The following SYNE1 variants were observed in gnomAD, a reference collection of about 807,000 sequenced individuals.
The protein encoded by SYNE1 is nesprin-1.
A neutral mutation model predicts 1,111.0 loss-of-function variants in SYNE1; 616 were observed. That is an observed-to-expected ratio of 0.55 (90% CI 0.52 to 0.59). SYNE1 has a LOEUF of 0.59. Among genes scored for constraint, SYNE1 ranks in the 20% least tolerant of loss-of-function variants. SYNE1 has a pLI of 0.00. For synonymous variants in SYNE1, 3,855 were observed against 3,825.8 expected, an observed-to-expected ratio of 1.01 and a Z score of -0.28; for missense variants, 10,006 against 10,417.0, an observed-to-expected ratio of 0.96 and a Z score of 1.72.
Position 152,201,826 on chromosome 6 carries a change from T to C in SYNE1, c.23143A>G (p.Lys7715Glu), listed in dbSNP as rs1358481326. 6.2e-7 allele frequency: 1 copy of C among 1,613,932 alleles called. No homozygotes were observed. The highest frequency in any genetic ancestry group is 1.1e-5 in the South Asian group (1 of 91,072). ...AAAATCTCAGTTCAGTAATTTACCT[T>C]GCAACGCATTTGTTCTGCATGGAGC... Reference protein sequence around the residue: ...EELHAEQMRCKELENAVGSWT... With the variant: ...EELHAEQMRCEELENAVGSWT... The change falls in exon 127 of 146, where the codon AAG becomes GAG. Residue 7715 changes from lysine (K) to glutamate (E), a missense_variant and splice_region_variant. Lys to Glu is a moderately conservative substitution (Grantham distance 56). Coordinates refer to ENST00000367255, the MANE Select transcript of SYNE1 (RefSeq NM_182961.4).
At chr6:152,556,932 A>C (rs1168798529) in intron 3 of SYNE1, among the ~76,000 whole-genome samples, 2 of 152,196 alleles carry the variant, frequency 1.3e-5, no homozygotes, top group African/African-American at 4.8e-5. Context: ...CAAAGGGGCA[A>C]GTAAAATACT....
intron 118 of SYNE1, 43 bp from the exon 119 acceptor site, chr6:152,221,089 C>T (rs1287540137): frequency 1.9e-6 from 3 of 1,587,716 alleles, no homozygotes; most frequent in Non-Finnish European, 2.6e-6. Flanking sequence ...TACCACCTCT[C>T]ACCAAATGTG....
chr6:152,581,528 A>G (rs572741689), intron 3 of SYNE1, among the ~76,000 whole-genome samples: 172 of 152,352 alleles, frequency 1.1e-3, no homozygotes, highest in African/African-American at 4.0e-3. Context: ...GGTGAGTACT[A>G]TAGCAGACAT....
chr6:152,633,949 C>T (rs2099701992), intron 2 of SYNE1, among the ~76,000 whole-genome samples: 1 of 151,594 alleles, frequency 6.6e-6, no homozygotes, highest in South Asian at 2.1e-4. Context: ...GGACTACCTG[C>T]TATTTGGGAT....
At chr6:152,156,975 C>T (rs2061499863) in intron 131 of SYNE1, among the ~76,000 whole-genome samples, 1 of 152,072 alleles carries the variant, frequency 6.6e-6, no homozygotes, top group Non-Finnish European at 1.5e-5. Flanking sequence ...TTACAGGTAC[C>T]CGCCATCATG....
intron 125 of SYNE1, among the ~76,000 whole-genome samples, chr6:152,207,153 C>G (rs2076666191): frequency 6.6e-6 from 1 of 152,072 alleles, no homozygotes; most frequent in Admixed American, 6.5e-5. Flanking sequence ...GGATGATAGA[C>G]AAGGAGAAGT....
rs886043975 is a variant in SYNE1, at chr6:152,354,877, G to A, written c.10708C>T (p.Arg3570Trp). 26 of 1,614,098 alleles carry A rather than the reference G, an allele frequency of 1.6e-5. No individual in the cohort carries two copies. Among genetic ancestry groups the A allele is most frequent in the South Asian group, 3.3e-5 (3 of 91,084 alleles). The change falls in exon 67 of 146, where the codon CGG (arginine) becomes TGG (tryptophan). Residue 3570 changes from arginine (R) to tryptophan (W), a missense_variant. Around this residue, in one of 7 missense-constraint regions of SYNE1, gnomAD observed 4,955 missense variants for 5,017.2 expected, o/e 0.99. Transcript: ENST00000367255. ...IPSGIPQAED[R>W]ALESLRQDWQ... ...TCTTGCCGGAGAGACTCTAAAGCCCGGTCCTCTGCCTGTGGGATACCTGAT... is the reference window on the plus strand; with the variant it reads ...TCTTGCCGGAGAGACTCTAAAGCCCAGTCCTCTGCCTGTGGGATACCTGAT...
chr6:152,465,924 T>G (rs1218003190), intron 17 of SYNE1, 58 bp downstream of exon 17: 1 of 1,237,298 alleles, frequency 8.1e-7, no homozygotes, highest in Non-Finnish European at 1.2e-6. Context: ...GATAGAAACC[T>G]GCAGGCTCTA....
chr6:152,310,956 C>T (rs914751806), intron 87 of SYNE1, 83 bp from the exon 88 acceptor site: 4 of 1,406,108 alleles, frequency 2.8e-6, no homozygotes, highest in South Asian at 1.2e-5. Context: ...ATAAAATGCC[C>T]TGTGTAAGTT....
At chr6:152,353,468 A>G (rs781352808) in intron 68 of SYNE1, 35 bp from the exon 69 acceptor site, 3 of 1,614,038 alleles carry the variant, frequency 1.9e-6, no homozygotes, top group African/African-American at 2.7e-5. Flanking sequence ...ATGGTGAAGT[A>G]AAGGCCTGTG....
intron 3 of SYNE1, among the ~76,000 whole-genome samples, chr6:152,597,805 T>C (rs9479356): frequency 0.036 from 5,548 of 152,294 alleles, 348 homozygotes; most frequent in African/African-American, 0.13. Context: ...TCAAGCGATG[T>C]TTTTCTTCTC....
In SYNE1 at chr6:152,244,175, T is replaced by C. The variant is rs187225604; in HGVS notation, c.19692+362A>G. Among the ~76,000 whole-genome samples the C allele has an allele frequency of 4.7e-4, 72 of 152,320 alleles. No homozygotes were observed. In the Middle Eastern group the frequency reaches 0.017, roughly 36 times the overall value. On this transcript the variant is annotated intron_variant, in intron 106 of 145. Coordinates refer to ENST00000367255, the MANE Select transcript of SYNE1 (RefSeq NM_182961.4). ...CTTTTTAAAATAGTATTTGAAGACA[T>C]AGTGCAATACGAGGGTAGATATCCC...
chr6:152,346,356 G>A (rs1486969524), intron 73 of SYNE1, among the ~76,000 whole-genome samples: 1 of 151,750 alleles, frequency 6.6e-6, no homozygotes, highest in Admixed American at 6.6e-5. Flanking sequence ...TAGTGAAGAC[G>A]GGGTTTCACC....
Position 152,334,222 on chromosome 6 carries a change from C to G in SYNE1, c.12580G>C (p.Glu4194Gln). 6.2e-7 allele frequency: 1 copy of G among 1,614,032 alleles called. No individual in the cohort carries two copies. The highest frequency in any genetic ancestry group is 1.3e-5 in the African/African-American group (1 of 75,048). ...TTCTTTGTTAACTTATTCACCTTTTCTATTATGGTGTTCACGGATGCCTGT... is the reference window on the plus strand; with the variant it reads ...TTCTTTGTTAACTTATTCACCTTTTGTATTATGGTGTTCACGGATGCCTGT... The part of the protein sequence containing the change: ...SKQASVNTII[E>Q]KVNKLTKKEE... The change falls in exon 77 of 146, where the codon GAA becomes CAA. Residue 4194 changes from glutamate (E) to glutamine (Q), a missense_variant. Glu to Gln is a conservative substitution (Grantham distance 29, BLOSUM62 2). Around this residue, in one of 7 missense-constraint regions of SYNE1, gnomAD observed 4,955 missense variants for 5,017.2 expected, o/e 0.99. Transcript: ENST00000367255.
chr6:152,358,572 C>T (rs777944376), intron 65 of SYNE1, 35 bp from the exon 66 acceptor site: 2 of 1,607,548 alleles, frequency 1.2e-6, no homozygotes, highest in South Asian at 2.2e-5. Context: ...AAGTTAGGAA[C>T]ACATTACTTT....
chr6:152,633,610 T>C (rs1329351944), intron 2 of SYNE1, among the ~76,000 whole-genome samples: 1 of 151,106 alleles, frequency 6.6e-6, no homozygotes, highest in East Asian at 2.0e-4. Context: ...CTATCTGCTA[T>C]TTGGGATGCT....
chr6:152,242,178 C>T, intron 107 of SYNE1, 62 bp downstream of exon 107: 1 of 1,390,538 alleles, frequency 7.2e-7, no homozygotes, highest in Non-Finnish European at 1.0e-6. Context: ...AAATATATAT[C>T]AGGGTTTGAG....
chr6:152,325,538 T>C (rs1235182839), intron 80 of SYNE1, among the ~76,000 whole-genome samples: 4 of 152,210 alleles, frequency 2.6e-5, no homozygotes, highest in Non-Finnish European at 5.9e-5. Context: ...CAAAAGTGTA[T>C]TTTGCTACTT....
chr6:152,329,232 T>C (rs1319488319), intron 78 of SYNE1, among the ~76,000 whole-genome samples: 1 of 152,056 alleles, frequency 6.6e-6, no homozygotes, highest in African/African-American at 2.4e-5. Context: ...ACATAAACAA[T>C]TAAAATCACC....
Sources: gnomAD v4.1 joint callset for allele counts (sites outside exome capture counted in the v4.1 genomes callset) on GRCh38, gnomAD v4.1.1 for gene constraint, gnomAD v4.1.1 regional missense constraint, MANE v1.5 for transcripts, NCBI Gene and HGNC (gene_info 2026-07-23, HGNC 2026-07-21) for gene names.